Variants in GINS1 observed in about 807,000 individuals in gnomAD.
The protein encoded by GINS1 is GINS complex subunit 1, also known as DNA replication complex GINS protein PSF1.
GINS1 carries 26 observed loss-of-function variants against 34.9 expected under a neutral mutation model. The ratio of observed to expected loss-of-function variants is 0.74; its 90% CI spans 0.55 to 1.03. The LOEUF (loss-of-function observed/expected upper bound fraction) is 1.03. Ranked by LOEUF, GINS1 falls within the 50% of genes least tolerant of loss-of-function variation. The pLI is 0.00. For missense variants in GINS1, 235 were observed against 237.9 expected, an observed-to-expected ratio of 0.99 and a Z score of 0.08; for synonymous variants, 97 against 84.4, an observed-to-expected ratio of 1.15 and a Z score of -0.82.
intron 1 of GINS1, among the ~76,000 whole-genome samples, chr20:25,412,675 CA>C (rs1201703962): frequency 1.9e-4 from 29 of 152,124 alleles, no homozygotes; most frequent in African/African-American, 6.0e-4. Context: ...AATTTACATA[CA>C]ACATGTGTAT....
intron 2 of GINS1, among the ~76,000 whole-genome samples, chr20:25,415,791 A>G (rs1464329287): frequency 6.6e-6 from 1 of 152,154 alleles, no homozygotes; most frequent in African/African-American, 2.4e-5. Context: ...GCTATGAAGG[A>G]AATCAGAAGA....
rs2090510671 is a variant in GINS1 at position 25,446,046 on chromosome 20, ACT to A, written c.*61_*62del. 7.8e-6 allele frequency: 7 copies of A among 892,850 alleles called. No individual in the cohort carries two copies. In the East Asian group the frequency reaches 1.4e-4, roughly 18 times the overall value. 55.3% of individuals were successfully genotyped at this position (892,850 alleles called of 1,614,324 possible). A position where few individuals can be genotyped will look rare whatever the true frequency, so the allele number is the denominator to read the frequency against. Reference sequence around the variant, plus strand: ...TCAACTCATGGACTCCTCTGTACTCACTCTCTCCACCACTCCCTTCACCTCCC... The same window carrying A: ...TCAACTCATGGACTCCTCTGTACTCACTCTCCACCACTCCCTTCACCTCCC... On this transcript the variant is annotated 3_prime_UTR_variant, in exon 7 of 7. Coordinates refer to ENST00000262460, the MANE Select transcript of GINS1 (RefSeq NM_021067.5).
chr20:25,441,029 T>C (rs1455701776), intron 5 of GINS1, among the ~76,000 whole-genome samples: 7 of 152,194 alleles, frequency 4.6e-5, no homozygotes, highest in Non-Finnish European at 1.0e-4. Flanking sequence ...TCATCACTAG[T>C]ACTCGTGAGA....
At chr20:25,442,955 A>C (rs1262822365) in intron 6 of GINS1, 1 of 152,128 alleles carries the variant, frequency 6.6e-6, no homozygotes, top group Non-Finnish European at 1.5e-5. Context: ...AGGAGGAAAA[A>C]TGACCTAATA....
In GINS1 at chr20:25,448,020, AC is replaced by A. The variant is rs1209955592; in HGVS notation, c.*2030del. On this transcript the variant is annotated 3_prime_UTR_variant, in exon 7 of 7. Coordinates refer to ENST00000262460, the MANE Select transcript of GINS1 (RefSeq NM_021067.5). ...GTGGTGCATGCCTGTAGTCACAGTT[AC>A]ACGGCAGGCTGAGGTGGGAGGATCA... is the stretch of plus-strand genomic sequence containing the variant. The A allele has an allele frequency of 6.6e-6, 1 of 152,340 alleles. No individual in the cohort carries two copies. The highest frequency in any genetic ancestry group is 2.4e-5 in the African/African-American group (1 of 41,448). 9.4% of individuals were successfully genotyped at this position (152,340 alleles called of 1,614,324 possible). A position where few individuals can be genotyped will look rare whatever the true frequency, so the allele number is the denominator to read the frequency against.
intron 5 of GINS1, among the ~76,000 whole-genome samples, chr20:25,441,313 G>A (rs922561504): frequency 6.6e-6 from 1 of 152,170 alleles, no homozygotes; most frequent in East Asian, 1.9e-4. Flanking sequence ...ACTTACCTGT[G>A]TCCCATTCTC....
In GINS1 at chr20:25,436,098, C is replaced by T. The variant is rs112450586; in HGVS notation, c.448-5604C>T. Among the ~76,000 whole-genome samples the T allele has an allele frequency of 2.7e-3, 411 of 151,740 alleles. 3 individuals carry two copies. Among genetic ancestry groups the T allele is most frequent in the Non-Finnish European group, 4.5e-3 (306 of 67,962 alleles). Reference sequence around the variant, plus strand: ...CCTCCCAAAGTCCTGGGATTACAGGCGTGAGCCACTGTGCCCGGCCGAATT... The same window carrying T: ...CCTCCCAAAGTCCTGGGATTACAGGTGTGAGCCACTGTGCCCGGCCGAATT... On this transcript the variant is annotated intron_variant, in intron 5 of 6. Transcript: ENST00000262460.
intron 1 of GINS1, among the ~76,000 whole-genome samples, chr20:25,408,129 G>C (rs2090259145): frequency 6.6e-6 from 1 of 152,232 alleles, no homozygotes; most frequent in Non-Finnish European, 1.5e-5. Flanking sequence ...AGTTTTCCTT[G>C]GACAGATTTG....
At chr20:25,427,022 A>C (rs1485382307) in intron 5 of GINS1, among the ~76,000 whole-genome samples, 2 of 152,096 alleles carry the variant, frequency 1.3e-5, no homozygotes, top group African/African-American at 4.8e-5. Flanking sequence ...ATATATCCAG[A>C]GTGGAATTAC....
intron 5 of GINS1, among the ~76,000 whole-genome samples, chr20:25,431,069 T>G (rs1202973542): frequency 6.6e-6 from 1 of 152,186 alleles, no homozygotes; most frequent in Non-Finnish European, 1.5e-5. Flanking sequence ...GATTTTTGAT[T>G]AGTGATTGAG....
intron 4 of GINS1, 32 bp downstream of exon 4, chr20:25,418,227 T>C: frequency 8.2e-7 from 1 of 1,214,164 alleles, no homozygotes; most frequent in Non-Finnish European, 1.2e-6. Context: ...TTATAAATTT[T>C]GAAAATGCTA....
intron 3 of GINS1, 83 bp from the exon 4 acceptor site, chr20:25,418,022 G>A (rs1600923404): frequency 3.8e-6 from 3 of 795,882 alleles, no homozygotes; most frequent in South Asian, 2.7e-5. Flanking sequence ...TAGAGCTGGT[G>A]TGTTTGCATC....
intron 1 of GINS1, among the ~76,000 whole-genome samples, chr20:25,413,090 G>A (rs187615713): frequency 6.1e-5 from 9 of 147,716 alleles, no homozygotes; most frequent in East Asian, 2.0e-4. Context: ...ACGAAGTTTC[G>A]CTCTTGTTGC....
At chr20:25,413,064 T>C (rs2090296439) in intron 1 of GINS1, among the ~76,000 whole-genome samples, 1 of 152,060 alleles carries the variant, frequency 6.6e-6, no homozygotes, top group Non-Finnish European at 1.5e-5. Context: ...TCATTTTTTT[T>C]TTTTTTTTCT....
intron 1 of GINS1, among the ~76,000 whole-genome samples, chr20:25,412,985 T>C (rs2090295773): frequency 6.6e-6 from 1 of 152,196 alleles, no homozygotes; most frequent in Admixed American, 6.5e-5. Context: ...TAAACTCTTG[T>C]GTCAGGCATC....
chr20:25,427,296 C>G (rs1378618454), intron 5 of GINS1, among the ~76,000 whole-genome samples: 1 of 152,170 alleles, frequency 6.6e-6, no homozygotes, highest in African/African-American at 2.4e-5. Context: ...CTCCCAGGTT[C>G]AAGTGATTCT....
At position 25,446,339 on chromosome 20, in the gene GINS1, C is replaced by T. The variant is rs572117297; in HGVS notation, c.*348C>T. On this transcript the variant is annotated 3_prime_UTR_variant, in exon 7 of 7. Transcript: ENST00000262460. ...CGTGAGCCACTGCACCCGGCCCCTA[C>T]TCCTTTTTCTAATAAGCTGTATCTG... 5.2e-5 allele frequency: 10 copies of T among 192,812 alleles called. No individual in the cohort carries two copies. In the South Asian group the frequency reaches 1.8e-3, roughly 35 times the overall value. The allele number at this position is 192,812 out of a possible 1,614,324, so 11.9% of individuals were successfully genotyped here. A position where few individuals can be genotyped will look rare whatever the true frequency, so the allele number is the denominator to read the frequency against.
chr20:25,442,285 G>A (rs2090485819), intron 6 of GINS1, among the ~76,000 whole-genome samples: 1 of 152,124 alleles, frequency 6.6e-6, no homozygotes, highest in Non-Finnish European at 1.5e-5. Flanking sequence ...TTGTAAAGTT[G>A]TAACTTAAGC....
chr20:25,409,083 A>T, intron 1 of GINS1: 1 of 964,472 alleles, frequency 1.0e-6, no homozygotes, highest in Non-Finnish European at 1.2e-6. Flanking sequence ...GAAGCGAGGC[A>T]TCCCAGCCAA....
Sources: allele counts gnomAD v4.1 joint callset (sites outside exome capture counted in the v4.1 genomes callset), GRCh38; gene constraint gnomAD v4.1.1; transcripts MANE v1.5; gene names NCBI Gene and HGNC (gene_info 2026-07-23, HGNC 2026-07-21).